The following OXR1 variants were observed in gnomAD, a reference collection of about 807,000 sequenced individuals.
OXR1 encodes oxidation resistance 1, also known as oxidation resistance protein 1.
Under a neutral mutation model 104.6 loss-of-function variants are expected in OXR1, and 41 were observed. That is an observed-to-expected ratio of 0.39 (90% CI 0.31 to 0.51). The LOEUF (loss-of-function observed/expected upper bound fraction) is 0.51, where lower values mean the gene tolerates loss of function less well. Ranked by LOEUF, OXR1 falls within the 20% of genes least tolerant of loss-of-function variation. The pLI is 0.77. For missense variants in OXR1, 955 were observed against 1,031.9 expected, an observed-to-expected ratio of 0.93 and a Z score of 1.02; for synonymous variants, 348 against 348.4, an observed-to-expected ratio of 1.00 and a Z score of 0.01.
intron 1 of OXR1, among the ~76,000 whole-genome samples, chr8:106,277,605 A>G (rs2130482793): frequency 6.6e-6 from 1 of 152,366 alleles, no homozygotes; most frequent in East Asian, 1.9e-4. Context: ...TGTGACTCTA[A>G]GCAGGACCTG....
At chr8:106,437,708 C>T (rs191180884) in intron 2 of OXR1, among the ~76,000 whole-genome samples, 40 of 152,272 alleles carry the variant, frequency 2.6e-4, no homozygotes, top group Admixed American at 2.4e-3. Context: ...CAACAACCCT[C>T]TTATATAATC....
rs138024256 is a variant in OXR1, at chr8:106,325,526, A to G, written c.-138-33950A>G. 6.6e-3 allele frequency among the ~76,000 whole-genome samples: 998 copies of G among 152,298 alleles called. 35 individuals are homozygous for G. The highest frequency in any genetic ancestry group is 0.052 in the Admixed American group (798 of 15,294). ...TAGAGTGTGTATAATAATAGCATCT[A>G]TGACCTAGGGTTGCTGTGAAGGTTA... is the stretch of plus-strand genomic sequence containing the variant. On this transcript the variant is annotated intron_variant, in intron 1 of 16. Coordinates refer to ENST00000517566, the MANE Select transcript of OXR1 (RefSeq NM_001198533.2).
At chr8:106,370,359 C>G (rs909705056) in intron 2 of OXR1, among the ~76,000 whole-genome samples, 2 of 152,204 alleles carry the variant, frequency 1.3e-5, no homozygotes, top group African/African-American at 4.8e-5. Flanking sequence ...GACAACTTGA[C>G]TTCCTCTCTT....
At chr8:106,362,315 G>A (rs978141775) in intron 2 of OXR1, among the ~76,000 whole-genome samples, 2 of 152,092 alleles carry the variant, frequency 1.3e-5, no homozygotes, top group Admixed American at 6.6e-5. Context: ...AGGTTAATGT[G>A]GGAAGTGCAG....
chr8:106,521,101 A>G (rs771572518), intron 3 of OXR1, among the ~76,000 whole-genome samples: 12 of 152,238 alleles, frequency 7.9e-5, no homozygotes, highest in Non-Finnish European at 1.5e-4. Context: ...TACTCTATCT[A>G]TATAACCCTT....
At chr8:106,519,211 GT>G in intron 3 of OXR1, 72 bp downstream of exon 3, 1 of 945,994 alleles carries the variant, frequency 1.1e-6, no homozygotes. Flanking sequence ...TTCTGGGTCT[GT>G]TTAGTTAAGT....
chr8:106,327,594 C>T (rs866284625), intron 1 of OXR1, among the ~76,000 whole-genome samples: 1 of 152,242 alleles, frequency 6.6e-6, no homozygotes, highest in Middle Eastern at 3.4e-3. Context: ...TGCAGCTCAC[C>T]ACATTGTTTT....
chr8:106,488,518 T>C (rs1810849897), intron 2 of OXR1, among the ~76,000 whole-genome samples: 1 of 152,222 alleles, frequency 6.6e-6, no homozygotes, highest in Non-Finnish European at 1.5e-5. Context: ...TCCTGAATGG[T>C]AATGCCTAGA....
intron 2 of OXR1, among the ~76,000 whole-genome samples, chr8:106,496,294 A>G (rs140641495): frequency 3.9e-5 from 6 of 152,298 alleles, no homozygotes; most frequent in South Asian, 2.1e-4. Context: ...AGGACCAAGT[A>G]ATGTATGTTT....
chr8:106,394,052 C>A (rs1817683898), intron 2 of OXR1, among the ~76,000 whole-genome samples: 1 of 151,852 alleles, frequency 6.6e-6, no homozygotes, highest in African/African-American at 2.4e-5. Flanking sequence ...GAATCTCTAC[C>A]TGAAAAGGCA....
intron 3 of OXR1, chr8:106,658,123 G>A: frequency 1.6e-6 from 2 of 1,247,042 alleles, no homozygotes; most frequent in Non-Finnish European, 2.0e-6. Context: ...CCAGCCCAGG[G>A]GGACCTCGGG....
Position 106,684,360 on chromosome 8 carries a change from G to C in OXR1, c.525+1G>C. 4 of 1,442,276 alleles carry C rather than the reference G, an allele frequency of 2.8e-6. No homozygotes were observed. Among genetic ancestry groups the C allele is most frequent in the Middle Eastern group, 1.7e-4 (1 of 5,748 alleles). 89.3% of individuals were successfully genotyped at this position (1,442,276 alleles called of 1,614,324 possible). A position where few individuals can be genotyped will look rare whatever the true frequency, so the allele number is the denominator to read the frequency against. ...TGAGGCTGAATTTGATAAGACCACT[G>C]TAAGTATCTCTGCTTTGCAAAGATG... On this transcript the variant is annotated splice_donor_variant, in intron 6 of 16. Coordinates refer to ENST00000517566, the MANE Select transcript of OXR1 (RefSeq NM_001198533.2). LOFTEE classifies it high-confidence loss of function.
intron 2 of OXR1, among the ~76,000 whole-genome samples, chr8:106,378,486 G>T (rs1016399680): frequency 6.6e-6 from 1 of 152,064 alleles, no homozygotes; most frequent in African/African-American, 2.4e-5. Context: ...AATCTCATTC[G>T]CTGACATCTG....
chr8:106,536,137 A>G (rs1032858895), intron 3 of OXR1, among the ~76,000 whole-genome samples: 5 of 151,812 alleles, frequency 3.3e-5, no homozygotes, highest in Non-Finnish European at 7.4e-5. Context: ...GGAGAATGGC[A>G]TGAACCTGGG....
chr8:106,674,089 G>C (rs1020187127), intron 3 of OXR1, among the ~76,000 whole-genome samples: 3 of 152,162 alleles, frequency 2.0e-5, no homozygotes, highest in Non-Finnish European at 4.4e-5. Context: ...CCTTCCTCCA[G>C]ACCTCAGAAT....
At chr8:106,513,809 G>A (rs1243386022) in intron 2 of OXR1, among the ~76,000 whole-genome samples, 1 of 151,078 alleles carries the variant, frequency 6.6e-6, no homozygotes, top group East Asian at 2.0e-4. Context: ...TTCACATATG[G>A]TGTTTATTGA....
chr8:106,604,756 T>C (rs977211616), intron 3 of OXR1: 2 of 152,224 alleles, frequency 1.3e-5, no homozygotes, highest in Admixed American at 6.5e-5. Flanking sequence ...AATTGTGACA[T>C]AAGTTTTTCT....
chr8:106,519,079 G>C lies in OXR1; in HGVS notation c.160G>C (p.Ala54Pro). ...TPIIEEEQNNAANTQKHPSRR... is the reference protein window; with the variant it reads ...TPIIEEEQNNPANTQKHPSRR... ...CATCATTGAAGAAGAGCAGAACAAT[G>C]CAGCAAATACTCAGAAACATCCTTC... The change falls in exon 3 of 17, where the codon GCA becomes CCA. Residue 54 changes from alanine to proline, a missense_variant. By Grantham distance (27) the Ala-to-Pro change is conservative. Around this residue, in one of 2 missense-constraint regions of OXR1, gnomAD observed 849 missense variants for 852.9 expected, o/e 1.00. Transcript: ENST00000517566. The C allele has an allele frequency of 6.4e-7, 1 of 1,552,118 alleles. No individual in the cohort carries two copies. The highest frequency in any genetic ancestry group is 8.7e-7 in the Non-Finnish European group (1 of 1,147,026).
intron 4 of OXR1, among the ~76,000 whole-genome samples, chr8:106,682,752 T>G (rs1473081411): frequency 6.6e-6 from 1 of 152,214 alleles, no homozygotes; most frequent in Non-Finnish European, 1.5e-5. Context: ...CAAATATTTT[T>G]CTAATTTATA....
Sources: gnomAD v4.1 joint callset for allele counts (sites outside exome capture counted in the v4.1 genomes callset) on GRCh38, gnomAD v4.1.1 for gene constraint, gnomAD v4.1.1 regional missense constraint, MANE v1.5 for transcripts, NCBI Gene and HGNC (gene_info 2026-07-23, HGNC 2026-07-21) for gene names.